The following LUC7L2 variants were observed in gnomAD, a reference collection of about 807,000 sequenced individuals.
The protein encoded by LUC7L2 is LUC7 like 2, pre-mRNA splicing factor.
Under a neutral mutation model 52.8 loss-of-function variants are expected in LUC7L2, and 25 were observed. The observed-to-expected ratio is 0.47, with a 90% CI of 0.34 to 0.66. LUC7L2 has a LOEUF of 0.66. Among genes scored for constraint, LUC7L2 ranks in the 30% least tolerant of loss-of-function variants. LUC7L2 has a pLI of 0.01. For synonymous variants in LUC7L2, 144 were observed against 160.9 expected (o/e 0.89, Z 0.80); for missense variants, 328 against 497.8 (o/e 0.66, Z 3.25).
At chr7:139,358,779 G>A (rs1799705735), upstream of LUC7L2, among the ~76,000 whole-genome samples, 1 of 152,090 alleles carries the variant, frequency 6.6e-6, no homozygotes, top group South Asian at 2.1e-4. Flanking sequence ...CCGTCTCCCG[G>A]GTTCAAACGA....
intron 8 of LUC7L2, among the ~76,000 whole-genome samples, chr7:139,415,573 C>CTTT (rs376954972): frequency 6.5e-4 from 75 of 116,154 alleles, no homozygotes; most frequent in Middle Eastern, 5.1e-3. Context: ...GGAAATAACG[C>CTTT]TTTTTTTTTT....
At chr7:139,394,156 C>A (rs1171094377) in intron 2 of LUC7L2, among the ~76,000 whole-genome samples, 1 of 152,200 alleles carries the variant, frequency 6.6e-6, no homozygotes, top group Non-Finnish European at 1.5e-5. Flanking sequence ...GAACCTCCCT[C>A]CAGAAGCTCA....
intron 9 of LUC7L2, among the ~76,000 whole-genome samples, chr7:139,419,959 C>T (rs1452992383): frequency 2.0e-5 from 3 of 152,148 alleles, no homozygotes; most frequent in Non-Finnish European, 4.4e-5. Flanking sequence ...GTTATTGCTA[C>T]ATATTTGGGT....
In LUC7L2 at chr7:139,422,364, C is replaced by A. The variant is rs1277648018; in HGVS notation, c.*24C>A. 6.3e-7 allele frequency: 1 copy of A among 1,589,682 alleles called. No homozygotes were observed. The highest frequency in any genetic ancestry group is 1.1e-5 in the South Asian group (1 of 86,974). On this transcript the variant is annotated 3_prime_UTR_variant, in exon 10 of 10. Coordinates refer to ENST00000354926, the MANE Select transcript of LUC7L2 (RefSeq NM_016019.5). The stretch of plus-strand genomic sequence containing the variant: ...AACTAGCTGTGTACATTTCTTCAGT[C>A]CTTAAGCTTCCTACGGAGTTACGTA...
chr7:139,409,001 A>G (rs1795237042), intron 6 of LUC7L2, among the ~76,000 whole-genome samples: 1 of 151,468 alleles, frequency 6.6e-6, no homozygotes, highest in Non-Finnish European at 1.5e-5. Context: ...ATATTAATAG[A>G]AAAATTAGCT....
At chr7:139,401,751 CTTCT>C (rs1569387927) in intron 3 of LUC7L2, among the ~76,000 whole-genome samples, 3 of 144,240 alleles carry the variant, frequency 2.1e-5, no homozygotes, top group Middle Eastern at 3.7e-3. Flanking sequence ...CCACGCCCAG[CTTCT>C]TTTTTTTTTT....
At chr7:139,397,966 C>G (rs1450462051) in intron 2 of LUC7L2, among the ~76,000 whole-genome samples, 1 of 152,116 alleles carries the variant, frequency 6.6e-6, no homozygotes, top group African/African-American at 2.4e-5. Flanking sequence ...GTCTTGTCCC[C>G]AGACAAGACT....
upstream of LUC7L2, among the ~76,000 whole-genome samples, chr7:139,358,149 G>A (rs1473369539): frequency 6.6e-6 from 1 of 151,996 alleles, no homozygotes; most frequent in Admixed American, 6.6e-5. Context: ...TGGGATTACA[G>A]GCACGCGCAT....
At chr7:139,345,294 C>A (rs1799217708) in intron 1 of LUC7L2, among the ~76,000 whole-genome samples, 1 of 152,134 alleles carries the variant, frequency 6.6e-6, no homozygotes, top group African/African-American at 2.4e-5. Flanking sequence ...AATGCAACTC[C>A]TTTTAAAAAT....
At chr7:139,420,790 T>C (rs1156402658) in intron 9 of LUC7L2, among the ~76,000 whole-genome samples, 3 of 151,914 alleles carry the variant, frequency 2.0e-5, no homozygotes, top group African/African-American at 7.3e-5. Context: ...ATCACTAGAC[T>C]TGGCACTGTG....
Position 139,373,413 on chromosome 7 carries a change from A to G in LUC7L2, c.62-2649A>G, listed in dbSNP as rs558702805. Among the ~76,000 whole-genome samples, 265 of 152,362 alleles carry G rather than the reference A, an allele frequency of 1.7e-3. 1 individual carries two copies. The highest frequency in any genetic ancestry group is 5.6e-3 in the African/African-American group (234 of 41,598). ...TTATTTCATTGTTTTAAAGATTTCT[A>G]TAATGGCTGCTATTTGATAGCTGTA... is the stretch of plus-strand genomic sequence containing the variant. On this transcript the variant is annotated intron_variant, in intron 1 of 9. Transcript: ENST00000354926.
At chr7:139,378,756 A>G (rs572140091) in intron 2 of LUC7L2, among the ~76,000 whole-genome samples, 43 of 152,324 alleles carry the variant, frequency 2.8e-4, no homozygotes, top group Admixed American at 5.9e-4. Context: ...ATTATAAGCT[A>G]TTTGTACATA....
chr7:139,345,171 A>T (rs1241334375), intron 1 of LUC7L2, among the ~76,000 whole-genome samples: 1 of 152,116 alleles, frequency 6.6e-6, no homozygotes, highest in African/African-American at 2.4e-5. Context: ...TAATTTCCAT[A>T]TCTACCATTA....
chr7:139,409,653 A>C lies in LUC7L2; in HGVS notation c.778A>C (p.Arg260=), dbSNP rs1437672172. 1.9e-6 allele frequency: 3 copies of C among 1,605,548 alleles called. No individual in the cohort carries two copies. The highest frequency in any genetic ancestry group is 2.6e-6 in the Non-Finnish European group (3 of 1,176,082). The change falls in exon 7 of 10, where the codon AGG becomes CGG. Residue 260 remains arginine (R), a splice_region_variant and synonymous_variant. Coordinates refer to ENST00000354926, the MANE Select transcript of LUC7L2 (RefSeq NM_016019.5). ...REREEREKLR[R]SRSHSKNPKR... ...GAGAGAAGAAAGGGAGAAGCTGAGG[A>C]GGTATGGAGTAATGGGCCAAGTAAT...
At chr7:139,419,587 A>C (rs1186060521) in intron 9 of LUC7L2, among the ~76,000 whole-genome samples, 1 of 152,228 alleles carries the variant, frequency 6.6e-6, no homozygotes, top group Non-Finnish European at 1.5e-5. Context: ...CCTGTGTCAA[A>C]TCTGCCCAAC....
intron 2 of LUC7L2, among the ~76,000 whole-genome samples, chr7:139,381,868 G>T (rs960044101): frequency 3.5e-5 from 5 of 141,550 alleles, no homozygotes; most frequent in Admixed American, 2.9e-4. Flanking sequence ...GAGCCACTGC[G>T]CCTGGCCTAA....
intron 1 of LUC7L2, among the ~76,000 whole-genome samples, chr7:139,344,717 T>G (rs1287405713): frequency 1.5e-5 from 2 of 131,452 alleles, no homozygotes; most frequent in South Asian, 2.5e-4. Flanking sequence ...TTTTTTTTTT[T>G]GTTGAGATGG....
intron 1 of LUC7L2, 26 bp downstream of exon 1, chr7:139,360,348 G>C (rs1161408580): frequency 6.5e-7 from 1 of 1,549,170 alleles, no homozygotes; most frequent in Admixed American, 2.0e-5. Context: ...GGCCCTGGGG[G>C]TGGGGGAGGG....
chr7:139,361,760 C>T (rs10233769), intron 1 of LUC7L2, among the ~76,000 whole-genome samples: 3,946 of 129,324 alleles, frequency 0.031, 158 homozygotes, highest in African/African-American at 0.15. Flanking sequence ...AACATTCCTC[C>T]TTTTCCAACA....
Sources: allele counts gnomAD v4.1 joint callset (sites outside exome capture counted in the v4.1 genomes callset), GRCh38; gene constraint gnomAD v4.1.1; transcripts MANE v1.5; gene names NCBI Gene and HGNC (gene_info 2026-07-23, HGNC 2026-07-21).